The following MCTP2 variants were observed in gnomAD, a reference collection of about 807,000 sequenced individuals.
The protein encoded by MCTP2 is multiple C2 and transmembrane domain-containing protein 2.
A neutral mutation model predicts 111.6 loss-of-function variants in MCTP2; 132 were observed. The ratio of observed to expected loss-of-function variants is 1.18; its 90% CI spans 1.03 to 1.37. The LOEUF is 1.37. Among genes scored for constraint, MCTP2 ranks in the 40% most tolerant of loss-of-function variants. MCTP2 has a pLI of 0.00. For synonymous variants in MCTP2, 395 were observed against 387.7 expected, an observed-to-expected ratio of 1.02 and a Z score of -0.22; for missense variants, 1,183 against 1,067.9, an observed-to-expected ratio of 1.11 and a Z score of -1.50.
chr15:94,245,361 T>G (rs1331022756), intron 1 of MCTP2, among the ~76,000 whole-genome samples: 6 of 137,704 alleles, frequency 4.4e-5, no homozygotes, highest in Non-Finnish European at 6.1e-5. Flanking sequence ...CATATGTATA[T>G]ATATTTACAT....
At chr15:94,275,989 G>A (rs1406091301) in intron 1 of MCTP2, among the ~76,000 whole-genome samples, 1 of 151,820 alleles carries the variant, frequency 6.6e-6, no homozygotes, top group Non-Finnish European at 1.5e-5. Flanking sequence ...GCTGGGACAG[G>A]CACTTGCCAC....
chr15:94,366,015 C>G (rs1176764209), intron 10 of MCTP2, among the ~76,000 whole-genome samples: 1 of 152,066 alleles, frequency 6.6e-6, no homozygotes, highest in Non-Finnish European at 1.5e-5. Flanking sequence ...CAATATTGCT[C>G]AAGAATTTGT....
intron 17 of MCTP2, among the ~76,000 whole-genome samples, chr15:94,409,408 G>A (rs566109186): frequency 2.0e-5 from 3 of 152,154 alleles, no homozygotes; most frequent in East Asian, 1.9e-4. Context: ...ACCACCAGAT[G>A]CCAAGCAGAG....
chr15:94,320,986 G>A (rs1357675183), intron 4 of MCTP2, among the ~76,000 whole-genome samples: 1 of 152,170 alleles, frequency 6.6e-6, no homozygotes, highest in African/African-American at 2.4e-5. Context: ...GCCTCATAAT[G>A]TGATTGTAAG....
At chr15:94,370,655 T>G (rs1473528174) in intron 12 of MCTP2, among the ~76,000 whole-genome samples, 1 of 152,140 alleles carries the variant, frequency 6.6e-6, no homozygotes, top group Non-Finnish European at 1.5e-5. Context: ...CAGTTGACAT[T>G]GTCTTATAGG....
chr15:94,413,129 C>A (rs1275067943), intron 17 of MCTP2, among the ~76,000 whole-genome samples: 2 of 152,130 alleles, frequency 1.3e-5, no homozygotes, highest in African/African-American at 4.8e-5. Context: ...CTTGAGTTTA[C>A]TTAAAGATAG....
intron 17 of MCTP2, among the ~76,000 whole-genome samples, chr15:94,417,949 T>C (rs2082450023): frequency 1.3e-5 from 2 of 152,128 alleles, no homozygotes. Context: ...CCTGCTTCTT[T>C]TAGTGCCAGA....
chr15:94,424,015 A>G (rs2082753903), intron 17 of MCTP2, among the ~76,000 whole-genome samples: 1 of 152,178 alleles, frequency 6.6e-6, no homozygotes, highest in African/African-American at 2.4e-5. Context: ...CCCCAGGAGT[A>G]ATGGTAATAC....
rs10520748 is a variant in MCTP2 at position 94,333,351 on chromosome 15, T to G, written c.638-5939T>G. Among the ~76,000 whole-genome samples, 12 of 152,072 alleles carry G rather than the reference T, an allele frequency of 7.9e-5. No homozygotes were observed. In the East Asian group the frequency reaches 2.3e-3, roughly 29 times the overall value. ...AAGTGTACATTTAAGCATATAAATT[T>G]GAAGTACATATCAGCTTATTAAGCT... is the stretch of plus-strand genomic sequence containing the variant. On this transcript the variant is annotated intron_variant, in intron 4 of 22. Transcript: ENST00000357742.
At chr15:94,333,892 A>G (rs1402491213) in intron 4 of MCTP2, among the ~76,000 whole-genome samples, 1 of 152,196 alleles carries the variant, frequency 6.6e-6, no homozygotes, top group African/African-American at 2.4e-5. Context: ...AATGTTCCCA[A>G]ATCACACAGA....
intron 19 of MCTP2, among the ~76,000 whole-genome samples, chr15:94,454,000 C>G (rs867830886): frequency 6.6e-6 from 1 of 152,126 alleles, no homozygotes; most frequent in African/African-American, 2.4e-5. Flanking sequence ...TATCATTTTC[C>G]ACTTCAAGAT....
intron 12 of MCTP2, among the ~76,000 whole-genome samples, chr15:94,382,875 T>C (rs1036326110): frequency 1.3e-5 from 2 of 152,258 alleles, no homozygotes; most frequent in African/African-American, 4.8e-5. Flanking sequence ...ATTCGTTCTT[T>C]CCCTGACAGT....
At chr15:94,458,959 C>A (rs561287821) in intron 20 of MCTP2, among the ~76,000 whole-genome samples, 1 of 152,300 alleles carries the variant, frequency 6.6e-6, no homozygotes, top group South Asian at 2.1e-4. Context: ...CAGCTTGCCA[C>A]CCCCATCTTA....
intron 17 of MCTP2, chr15:94,402,584 G>A (rs894486390): frequency 1.6e-5 from 25 of 1,551,198 alleles, no homozygotes; most frequent in Non-Finnish European, 1.9e-5. Flanking sequence ...GAATCAAAGC[G>A]CTGCAAGAGA....
intron 1 of MCTP2, among the ~76,000 whole-genome samples, chr15:94,239,251 A>G (rs897835350): frequency 1.3e-5 from 2 of 152,232 alleles, no homozygotes; most frequent in Non-Finnish European, 2.9e-5. Context: ...AATCTTGCTT[A>G]ACGTAAAAGA....
rs1392590126 is a variant in MCTP2, at chr15:94,483,950, G to A, written c.*4916G>A. The A allele has an allele frequency of 2.0e-5, 3 of 152,174 alleles. No individual in the cohort carries two copies. Among genetic ancestry groups the A allele is most frequent in the South Asian group, 4.1e-4 (2 of 4,826 alleles). The allele number at this position is 152,174 out of a possible 1,614,324, so 9.4% of individuals were successfully genotyped here. A position where few individuals can be genotyped will look rare whatever the true frequency, so the allele number is the denominator to read the frequency against. On this transcript the variant is annotated 3_prime_UTR_variant, in exon 23 of 23. Transcript: ENST00000357742. ...ATTAAAATAAAAATTGCCTGAAAAT[G>A]CATTGAGTAGTAACTGATAATTGAA... is the stretch of plus-strand genomic sequence containing the variant.
chr15:94,249,571 C>T (rs1045645744), intron 1 of MCTP2, among the ~76,000 whole-genome samples: 38 of 151,886 alleles, frequency 2.5e-4, no homozygotes, highest in Admixed American at 7.2e-4. Flanking sequence ...CTGCAACCTC[C>T]GCCTCCTGGG....
chr15:94,375,697 G>A (rs1262212176), intron 12 of MCTP2, among the ~76,000 whole-genome samples: 2 of 152,030 alleles, frequency 1.3e-5, no homozygotes, highest in African/African-American at 2.4e-5. Context: ...TGTTAATAAA[G>A]GAAATAACTC....
At chr15:94,276,139 T>A (rs144716825) in intron 1 of MCTP2, among the ~76,000 whole-genome samples, 4 of 152,136 alleles carry the variant, frequency 2.6e-5, no homozygotes, top group African/African-American at 9.7e-5. Context: ...CCACCGTGCC[T>A]GGCCTTTATA....
Sources: allele counts gnomAD v4.1 joint callset (sites outside exome capture counted in the v4.1 genomes callset), GRCh38; gene constraint gnomAD v4.1.1; transcripts MANE v1.5; gene names NCBI Gene and HGNC (gene_info 2026-07-23, HGNC 2026-07-21).